VEZT: variants seen among roughly 807,000 people sequenced by gnomAD.
VEZT encodes vezatin, adherens junctions transmembrane protein.
A neutral mutation model predicts 79.9 loss-of-function variants in VEZT; 39 were observed. The ratio of observed to expected loss-of-function variants is 0.49; its 90% CI spans 0.38 to 0.64. The LOEUF is 0.64. Ranked by LOEUF, VEZT falls within the 30% of genes least tolerant of loss-of-function variation. VEZT has a pLI of 0.00. For synonymous variants in VEZT, 325 were observed against 327.6 expected (o/e 0.99, Z 0.09); for missense variants, 837 against 893.1 (o/e 0.94, Z 0.80).
At chr12:95,296,364 G>A in intron 11 of VEZT, 106 bp downstream of exon 11, 1 of 1,091,028 alleles carries the variant, frequency 9.2e-7, no homozygotes, top group Non-Finnish European at 1.3e-6. Context: ...TTTTATAAGG[G>A]TCCACCAGTA....
intron 6 of VEZT, among the ~76,000 whole-genome samples, chr12:95,272,967 C>G (rs771500403): frequency 1.3e-5 from 2 of 152,106 alleles, no homozygotes; most frequent in Admixed American, 6.6e-5. Context: ...AGGTTGGTCT[C>G]GAACACCTGG....
At chr12:95,248,926 C>T (rs978991756) in intron 1 of VEZT, among the ~76,000 whole-genome samples, 2 of 151,906 alleles carry the variant, frequency 1.3e-5, no homozygotes, top group Non-Finnish European at 1.5e-5. Context: ...CCACCGTGAC[C>T]CGTACCCCCA....
intron 8 of VEZT, among the ~76,000 whole-genome samples, chr12:95,285,828 C>T (rs2070626151): frequency 6.6e-6 from 1 of 151,936 alleles, no homozygotes; most frequent in African/African-American, 2.4e-5. Context: ...TTTATTTATT[C>T]AAAGTAACCA....
chr12:95,271,528 A>G (rs1246641122), intron 6 of VEZT, among the ~76,000 whole-genome samples: 1 of 152,216 alleles, frequency 6.6e-6, no homozygotes, highest in Non-Finnish European at 1.5e-5. Flanking sequence ...GAAGTTGGCC[A>G]TGAGGATAAG....
rs78470626 is a variant in VEZT at position 95,298,499 on chromosome 12, C to T, written c.1832-1666C>T. On this transcript the variant is annotated intron_variant, in intron 11 of 11. Transcript: ENST00000436874. ...TTTGTCTCTGTAACAAAATTACAGT[C>T]TTCTTAAATAGGGGCCTTATTATCC... 2.8e-3 allele frequency among the ~76,000 whole-genome samples: 426 copies of T among 152,242 alleles called. 4 individuals carry two copies. The South Asian group carries it at 0.032, about 11-fold the overall frequency.
rs766250527 is a variant in VEZT, at chr12:95,252,085, C to G, written c.168+14C>G. The G allele has an allele frequency of 1.9e-6, 3 of 1,597,262 alleles. No homozygotes were observed. The South Asian group carries it at 3.4e-5, about 18-fold the overall frequency. ...GTCCTACCAAAAGTAAGAACGCATG[C>G]TCATTCTTTCTGGCCGAATCTTTTG... On this transcript the variant is annotated intron_variant, in intron 2 of 11. Coordinates refer to ENST00000436874, the MANE Select transcript of VEZT (RefSeq NM_017599.4).
chr12:95,275,460 TG>T (rs1380438318), intron 7 of VEZT, among the ~76,000 whole-genome samples: 10 of 151,936 alleles, frequency 6.6e-5, no homozygotes, highest in African/African-American at 1.9e-4. Flanking sequence ...ATTAGCTGGG[TG>T]CAGTGTCACA....
intron 1 of VEZT, chr12:95,218,187 G>GC (rs1275992558): frequency 3.6e-6 from 1 of 279,416 alleles, no homozygotes; most frequent in Middle Eastern, 9.6e-4. Context: ...TGTGCGGCGG[G>GC]GGGGACTGCG....
Position 95,287,704 on chromosome 12 carries a change from A to G in VEZT, c.1369A>G (p.Thr457Ala), listed in dbSNP as rs945998305. 1 of 1,591,214 alleles carries G rather than the reference A, an allele frequency of 6.3e-7. No homozygotes were observed. The highest frequency in any genetic ancestry group is 1.3e-5 in the African/African-American group (1 of 74,508). The change falls in exon 9 of 12, where the codon ACT (threonine) becomes GCT (alanine). Residue 457 changes from threonine to alanine, a missense_variant. By Grantham distance (58) the Thr-to-Ala change is moderately conservative. Coordinates refer to ENST00000436874, the MANE Select transcript of VEZT (RefSeq NM_017599.4). Reference protein sequence around the residue: ...LEDELEKLVCTKETQELVSEA... With the variant: ...LEDELEKLVCAKETQELVSEA... Reference sequence around the variant, plus strand: ...AGATGAACTTGAAAAGCTTGTTTGTACTAAAGAAACACAAGAACTAGTGTC... The same window carrying G: ...AGATGAACTTGAAAAGCTTGTTTGTGCTAAAGAAACACAAGAACTAGTGTC...
chr12:95,242,021 A>G (rs1729466084), intron 1 of VEZT: 1 of 152,206 alleles, frequency 6.6e-6, no homozygotes, highest in Non-Finnish European at 1.5e-5. Context: ...CTTGCTCATC[A>G]TTTTCTGAAT....
chr12:95,227,835 A>G (rs1376219972), intron 1 of VEZT, among the ~76,000 whole-genome samples: 1 of 152,214 alleles, frequency 6.6e-6, no homozygotes, highest in Non-Finnish European at 1.5e-5. Flanking sequence ...CCTGGAAATA[A>G]GACTTTTTAA....
At chr12:95,285,373 G>A (rs939292782) in intron 8 of VEZT, among the ~76,000 whole-genome samples, 2 of 151,994 alleles carry the variant, frequency 1.3e-5, no homozygotes, top group East Asian at 3.9e-4. Flanking sequence ...GACCCCTGGA[G>A]GTTGAGGTTG....
At chr12:95,297,318 T>G (rs2074371757) in intron 11 of VEZT, among the ~76,000 whole-genome samples, 1 of 152,180 alleles carries the variant, frequency 6.6e-6, no homozygotes, top group Non-Finnish European at 1.5e-5. Flanking sequence ...GTGTGGACCC[T>G]CGAAATCAAC....
At chr12:95,223,983 A>G (rs925632604) in intron 1 of VEZT, among the ~76,000 whole-genome samples, 2 of 152,208 alleles carry the variant, frequency 1.3e-5, no homozygotes, top group African/African-American at 4.8e-5. Context: ...TTGTATCACG[A>G]AAGTTTTGAA....
intron 3 of VEZT, among the ~76,000 whole-genome samples, chr12:95,259,683 G>A (rs2064053646): frequency 6.6e-6 from 1 of 152,182 alleles, no homozygotes; most frequent in Non-Finnish European, 1.5e-5. Context: ...GGTGATACCT[G>A]CTAATATTTA....
intron 9 of VEZT, chr12:95,290,743 T>A (rs1293103255): frequency 6.6e-6 from 1 of 152,108 alleles, no homozygotes; most frequent in Non-Finnish European, 1.5e-5. Context: ...ACAGAGAAAA[T>A]TAACATGTCC....
At chr12:95,217,988 C>G (rs191485575) in intron 1 of VEZT, 102 bp downstream of exon 1, 1 of 1,267,636 alleles carries the variant, frequency 7.9e-7, no homozygotes, top group Non-Finnish European at 1.1e-6. Flanking sequence ...TCGGGTGACG[C>G]GCTCCAGCTG....
chr12:95,251,732 C>CT lies in VEZT; in HGVS notation c.37-202dup, dbSNP rs370334237. ...CTGTGTGTTTTATTTAGAGTTTTTC[C>CT]TTTTTTGGGTTCCTCTGTTGAATTG... On this transcript the variant is annotated intron_variant, in intron 1 of 11. Coordinates refer to ENST00000436874, the MANE Select transcript of VEZT (RefSeq NM_017599.4). Among the ~76,000 whole-genome samples the CT allele has an allele frequency of 5.9e-3, 896 of 151,726 alleles. 12 individuals carry two copies. Among genetic ancestry groups the CT allele is most frequent in the African/African-American group, 0.02 (847 of 41,394 alleles).
intron 11 of VEZT, among the ~76,000 whole-genome samples, chr12:95,298,159 C>G (rs1354337444): frequency 7.3e-5 from 11 of 151,330 alleles, no homozygotes; most frequent in Admixed American, 7.2e-4. Context: ...ATAATTCATG[C>G]TTACCCCTTT....
Sources: gnomAD v4.1 joint callset for allele counts (sites outside exome capture counted in the v4.1 genomes callset) on GRCh38, gnomAD v4.1.1 for gene constraint, MANE v1.5 for transcripts, NCBI Gene and HGNC (gene_info 2026-07-23, HGNC 2026-07-21) for gene names.